DSC3: variants seen among roughly 807,000 people sequenced by gnomAD.
The protein encoded by DSC3 is desmocollin-3.
A neutral mutation model predicts 89.5 loss-of-function variants in DSC3; 97 were observed. The observed-to-expected ratio is 1.08, with a 90% CI of 0.92 to 1.28. The LOEUF is 1.28. Ranked by LOEUF, DSC3 falls within the 50% of genes most tolerant of loss-of-function variation. DSC3 has a pLI of 0.00. For missense variants in DSC3, 1,199 were observed against 1,085.3 expected, an observed-to-expected ratio of 1.10 and a Z score of -1.47; for synonymous variants, 436 against 384.1, an observed-to-expected ratio of 1.14 and a Z score of -1.58.
At chr18:31,019,213 C>T (rs958607711) in intron 7 of DSC3, among the ~76,000 whole-genome samples, 2 of 152,142 alleles carry the variant, frequency 1.3e-5, no homozygotes, top group Non-Finnish European at 2.9e-5. Flanking sequence ...TCTCTTGCCT[C>T]AGCCTCCCTA....
Position 31,029,254 on chromosome 18 carries a change from C to T in DSC3, c.474+255G>A, listed in dbSNP as rs276941. Among the ~76,000 whole-genome samples, 69,689 of 151,908 alleles carry T rather than the reference C, an allele frequency of 0.46. 16,629 individuals carry two copies. Among genetic ancestry groups the T allele is most frequent in the East Asian group, 0.88 (4,553 of 5,156 alleles). On this transcript the variant is annotated intron_variant, in intron 4 of 15. Transcript: ENST00000360428. ...CTTTAGTACTTAGAGCAGTACCTCC[C>T]GCAGGATATAGTTAAGTGCTCAGTA...
At position 31,004,170 on chromosome 18, in the gene DSC3, T is replaced by C. The variant is rs768656403; in HGVS notation, c.2085A>G (p.Ala695=). The C allele has an allele frequency of 6.2e-6, 10 of 1,613,502 alleles. No homozygotes were observed. The East Asian group carries it at 2.2e-4, about 36-fold the overall frequency. ...GVILGKWAIL[A]ILLGIALLFS... Reference sequence around the variant, plus strand: ...AGAGCAGTGCTATACCCAGTAATATTGCAAGGATTGCCCATTTTCCAAGTA... The same window carrying C: ...AGAGCAGTGCTATACCCAGTAATATCGCAAGGATTGCCCATTTTCCAAGTA... The change falls in exon 13 of 16, where the codon GCA becomes GCG. Residue 695 remains alanine, a synonymous_variant. Transcript: ENST00000360428.
chr18:31,030,138 T>G (rs1985731979), intron 3 of DSC3, among the ~76,000 whole-genome samples: 1 of 152,134 alleles, frequency 6.6e-6, no homozygotes, highest in Admixed American at 6.5e-5. Flanking sequence ...CTAAATAACA[T>G]AAGAAGCTCT....
Position 31,031,022 on chromosome 18 carries a change from C to G in DSC3, c.305G>C (p.Arg102Thr), listed in dbSNP as rs276938. Residue 102 changes from arginine (R) to threonine (T), a missense_variant, in exon 3 of 16, where the codon AGG becomes ACG. Coordinates refer to ENST00000360428, the MANE Select transcript of DSC3 (RefSeq NM_001941.5). Reference sequence around the variant, plus strand: ...AGTAACCTCTTTCTGTGTCTGTTTCCTTTTGTCAGAAAGCCATATGGTAAA... The same window carrying G: ...AGTAACCTCTTTCTGTGTCTGTTTCGTTTTGTCAGAAAGCCATATGGTAAA... The part of the protein sequence containing the change: ...RSFTIWLSDK[R>T]KQTQKEVTVL... 1 of 1,612,638 alleles carries G rather than the reference C, an allele frequency of 6.2e-7. No homozygotes were observed. Among genetic ancestry groups the G allele is most frequent in the African/African-American group, 1.3e-5 (1 of 74,788 alleles).
chr18:31,009,978 C>T (rs751295590), intron 9 of DSC3, among the ~76,000 whole-genome samples: 37 of 152,148 alleles, frequency 2.4e-4, no homozygotes, highest in Non-Finnish European at 3.8e-4. Flanking sequence ...AAGTAAAACC[C>T]ATAAAACATT....
intron 1 of DSC3, among the ~76,000 whole-genome samples, chr18:31,034,678 TACA>T (rs1423373931): frequency 1.3e-5 from 2 of 152,130 alleles, no homozygotes; most frequent in African/African-American, 2.4e-5. Flanking sequence ...CTATGCATGC[TACA>T]ACAAGGATAA....
chr18:31,032,385 C>G, intron 1 of DSC3, 109 bp from the exon 2 acceptor site: 1 of 820,970 alleles, frequency 1.2e-6, no homozygotes, highest in East Asian at 2.7e-5. Flanking sequence ...CACCCATTTA[C>G]AATAAACCCC....
Position 30,996,891 on chromosome 18 carries a change from T to G in DSC3, c.2393A>C (p.His798Pro). ...TCCCCTGCAGGAGTCCAGGGTATGA[T>G]GATGCCCAGCCCCCCGGCAGGATTC... Reference protein sequence around the residue: ...TLESCRGAGHHHTLDSCRGGH... With the variant: ...TLESCRGAGHPHTLDSCRGGH... The change falls in exon 15 of 16, where the codon CAT becomes CCT. Residue 798 changes from histidine (H) to proline (P), a missense_variant. By Grantham distance (77) the His-to-Pro change is moderately conservative. Coordinates refer to ENST00000360428, the MANE Select transcript of DSC3 (RefSeq NM_001941.5). 6.2e-7 allele frequency: 1 copy of G among 1,613,980 alleles called. No homozygotes were observed. Among genetic ancestry groups the G allele is most frequent in the African/African-American group, 1.3e-5 (1 of 74,976 alleles).
intron 12 of DSC3, among the ~76,000 whole-genome samples, 192 bp from the exon 13 acceptor site, chr18:31,004,558 TC>T (rs2144686214): frequency 6.6e-6 from 1 of 152,284 alleles, no homozygotes; most frequent in South Asian, 2.1e-4. Context: ...CCCTTGTAAT[TC>T]CTTAGAAGGG....
intron 3 of DSC3, 34 bp from the exon 4 acceptor site, chr18:31,029,662 CA>C (rs1332272949): frequency 6.2e-7 from 1 of 1,612,566 alleles, no homozygotes; most frequent in African/African-American, 1.3e-5. Context: ...CATGAATAAA[CA>C]AAAGCATCAC....
intron 12 of DSC3, 147 bp downstream of exon 12, chr18:31,006,760 A>G: frequency 3.0e-6 from 2 of 668,118 alleles, no homozygotes; most frequent in East Asian, 5.5e-5. Flanking sequence ...GCCCCCATAT[A>G]ATATTTGTAA....
At position 30,993,560 on chromosome 18, in the gene DSC3, A is replaced by C. The variant is rs1052835840; in HGVS notation, c.*615T>G. The stretch of plus-strand genomic sequence containing the variant: ...CCATTTTCCTCTTTGTTCTCATTTC[A>C]TTTTAAATATTGCATTGATTAATAA... On this transcript the variant is annotated 3_prime_UTR_variant, in exon 16 of 16. Transcript: ENST00000360428. 4.6e-5 allele frequency: 7 copies of C among 152,188 alleles called. No homozygotes were observed. The highest frequency in any genetic ancestry group is 2.6e-4 in the Admixed American group (4 of 15,274). The allele number at this position is 152,188 out of a possible 1,614,324, so 9.4% of individuals were successfully genotyped here.
intron 4 of DSC3, among the ~76,000 whole-genome samples, chr18:31,028,109 G>T (rs1216695638): frequency 6.6e-6 from 1 of 152,052 alleles, no homozygotes; most frequent in East Asian, 1.9e-4. Flanking sequence ...ATAGTATTTA[G>T]AGTTATGAGA....
intron 7 of DSC3, 53 bp from the exon 8 acceptor site, chr18:31,018,853 T>C: frequency 1.3e-6 from 2 of 1,555,530 alleles, no homozygotes; most frequent in Admixed American, 1.7e-5. Context: ...GGTAGATTTA[T>C]AAATGAAACC....
chr18:31,007,853 C>G (rs1417831921), intron 11 of DSC3, among the ~76,000 whole-genome samples, 163 bp downstream of exon 11: 3 of 152,106 alleles, frequency 2.0e-5, no homozygotes, highest in South Asian at 4.1e-4. Flanking sequence ...TTCTTGTCAC[C>G]AAACAGTTTC....
chr18:30,994,154 C>G lies in DSC3; in HGVS notation c.*21G>C. On this transcript the variant is annotated 3_prime_UTR_variant, in exon 16 of 16. Transcript: ENST00000360428. ...AAACCTCCAGAATGTCTGACAAAGA[C>G]CTAATTGTAGCACTGTGACATTATC... is the stretch of plus-strand genomic sequence containing the variant. 6.2e-7 allele frequency: 1 copy of G among 1,608,740 alleles called. No individual in the cohort carries two copies. The highest frequency in any genetic ancestry group is 8.5e-7 in the Non-Finnish European group (1 of 1,175,270).
chr18:31,016,332 T>G lies in DSC3; in HGVS notation c.1263+1739A>C, dbSNP rs1053243762. Among the ~76,000 whole-genome samples, 2 of 152,224 alleles carry G rather than the reference T, an allele frequency of 1.3e-5. 1 individual carries two copies. Among genetic ancestry groups the G allele is most frequent in the Non-Finnish European group, 2.9e-5 (2 of 68,044 alleles). ...TTGCTTTCACTTTACTCTACTGTCT[T>G]GCTCTTGAATTCTTTTCCAGGTGAA... On this transcript the variant is annotated intron_variant, in intron 9 of 15. Coordinates refer to ENST00000360428, the MANE Select transcript of DSC3 (RefSeq NM_001941.5).
intron 9 of DSC3, among the ~76,000 whole-genome samples, chr18:31,016,090 G>A (rs961069354): frequency 2.6e-5 from 4 of 152,178 alleles, no homozygotes; most frequent in African/African-American, 9.7e-5. Flanking sequence ...GAAGTTACCT[G>A]ATATGATCTA....
chr18:31,038,921 G>GAA (rs1239981009), intron 1 of DSC3, among the ~76,000 whole-genome samples: 2 of 151,990 alleles, frequency 1.3e-5, no homozygotes, highest in Non-Finnish European at 2.9e-5. Flanking sequence ...ATAGACTTCA[G>GAA]TTATAGTATG....
Sources: gnomAD v4.1 joint callset for allele counts (sites outside exome capture counted in the v4.1 genomes callset) on GRCh38, gnomAD v4.1.1 for gene constraint, MANE v1.5 for transcripts, NCBI Gene and HGNC (gene_info 2026-07-23, HGNC 2026-07-21) for gene names.